The following IPO11 variants were observed in gnomAD, a reference collection of about 807,000 sequenced individuals.
IPO11 encodes the protein importin 11, also known as importin-11.
In IPO11, 66 loss-of-function variants were observed where a neutral mutation model predicts 143.2. The ratio of observed to expected loss-of-function variants is 0.46; its 90% confidence interval spans 0.38 to 0.57. IPO11 has a LOEUF of 0.57. Among genes scored for constraint, IPO11 ranks in the 20% least tolerant of loss-of-function variants. The pLI, the probability that IPO11 is intolerant of heterozygous loss-of-function variation, is 0.00. For missense variants in IPO11, 1,026 were observed against 1,141.0 expected (o/e 0.90, Z 1.45); for synonymous variants, 385 against 377.8 (o/e 1.02, Z -0.22).
chr5:62,616,070 A>AGGGGGGGGGGGGG (rs67923113), intron 29 of IPO11, among the ~76,000 whole-genome samples: 3 of 106,348 alleles, frequency 2.8e-5, no homozygotes, highest in Non-Finnish European at 5.6e-5. Flanking sequence ...TGGGGGAGGA[A>AGGGGGGGGGGGGG]GGGGGGTGGC....
chr5:62,625,604 C>T (rs987959894), intron 29 of IPO11, among the ~76,000 whole-genome samples: 1 of 152,112 alleles, frequency 6.6e-6, no homozygotes, highest in African/African-American at 2.4e-5. Flanking sequence ...TTCTTAGAAG[C>T]CAAGAGCATA....
chr5:62,551,839 T>C (rs536572335), intron 26 of IPO11, among the ~76,000 whole-genome samples: 17 of 152,216 alleles, frequency 1.1e-4, no homozygotes, highest in African/African-American at 4.1e-4. Context: ...TTTAAGACTA[T>C]ATATGGCCAG....
intron 28 of IPO11, among the ~76,000 whole-genome samples, chr5:62,598,670 G>A (rs866797805): frequency 2.7e-5 from 4 of 149,272 alleles, no homozygotes; most frequent in South Asian, 2.1e-4. Context: ...TCAGCCTCCC[G>A]AGTAGCTGGG....
intron 8 of IPO11, 137 bp from the exon 9 acceptor site, chr5:62,476,546 G>T: frequency 1.1e-6 from 1 of 887,568 alleles, no homozygotes; most frequent in Non-Finnish European, 1.6e-6. Context: ...GTAAATCTTG[G>T]TATTGCTTTT....
chr5:62,543,935 C>T (rs181826334), intron 24 of IPO11, among the ~76,000 whole-genome samples: 177 of 152,208 alleles, frequency 1.2e-3, no homozygotes, highest in African/African-American at 4.0e-3. Flanking sequence ...GCCTTCATTT[C>T]GTTATGTACC....
chr5:62,580,308 T>C, intron 27 of IPO11: 2 of 1,538,928 alleles, frequency 1.3e-6, no homozygotes, highest in Non-Finnish European at 1.8e-6. Flanking sequence ...ATTTAGAGAA[T>C]TTAAATTCTG....
chr5:62,484,215 A>G, intron 11 of IPO11, 53 bp downstream of exon 11: 1 of 1,462,046 alleles, frequency 6.8e-7, no homozygotes, highest in Non-Finnish European at 9.2e-7. Flanking sequence ...TTCTATAAAT[A>G]TCTGTTTGAG....
At chr5:62,587,353 A>C (rs1744835009) in intron 27 of IPO11, among the ~76,000 whole-genome samples, 1 of 152,130 alleles carries the variant, frequency 6.6e-6, no homozygotes, top group African/African-American at 2.4e-5. Context: ...AGTATTTTTC[A>C]GGGGAGCTAG....
chr5:62,498,833 A>G (rs1741243761), intron 16 of IPO11, among the ~76,000 whole-genome samples: 1 of 152,206 alleles, frequency 6.6e-6, no homozygotes, highest in Admixed American at 6.5e-5. Flanking sequence ...TCAAACCACC[A>G]TACTCCAGCC....
At chr5:62,568,743 A>C (rs1041490244) in intron 27 of IPO11, among the ~76,000 whole-genome samples, 1 of 152,166 alleles carries the variant, frequency 6.6e-6, no homozygotes, top group Non-Finnish European at 1.5e-5. Context: ...TCACTGATGC[A>C]TTATTTAGTG....
intron 24 of IPO11, among the ~76,000 whole-genome samples, chr5:62,540,000 T>C (rs747153833): frequency 6.6e-6 from 1 of 152,220 alleles, no homozygotes. Flanking sequence ...TTATTGTCTT[T>C]ACAGATTTTT....
chr5:62,441,270 T>C (rs954707008), intron 2 of IPO11, among the ~76,000 whole-genome samples: 1 of 151,966 alleles, frequency 6.6e-6, no homozygotes, highest in African/African-American at 2.4e-5. Context: ...CGATCTCAGC[T>C]CACAACATCC....
chr5:62,614,243 C>T (rs941385271), intron 29 of IPO11, among the ~76,000 whole-genome samples: 1 of 152,216 alleles, frequency 6.6e-6, no homozygotes, highest in African/African-American at 2.4e-5. Context: ...AATTGTCTTA[C>T]TGAGCTGCAA....
At chr5:62,420,756 T>C (rs927670896) in intron 1 of IPO11, among the ~76,000 whole-genome samples, 1 of 152,078 alleles carries the variant, frequency 6.6e-6, no homozygotes, top group Non-Finnish European at 1.5e-5. Context: ...ACTTTTTGTT[T>C]TTTTAGTAGT....
At chr5:62,598,376 TTTGCTTGC>T (rs142923802) in intron 28 of IPO11, among the ~76,000 whole-genome samples, 469 of 16,300 alleles carry the variant, frequency 0.029, 62 homozygotes, top group Admixed American at 0.096. Flanking sequence ...CCATAAATTG[TTTGCTTGC>T]TTGCTTGCTT....
intron 1 of IPO11, among the ~76,000 whole-genome samples, chr5:62,429,103 G>A (rs1032206455): frequency 1.3e-5 from 2 of 152,184 alleles, no homozygotes; most frequent in Non-Finnish European, 2.9e-5. Context: ...TCACAGAGTT[G>A]TGCAACCATC....
intron 9 of IPO11, among the ~76,000 whole-genome samples, chr5:62,480,137 C>T (rs1194273776): frequency 4.6e-5 from 7 of 152,282 alleles, no homozygotes; most frequent in Admixed American, 4.6e-4. Context: ...GGAAGGGATC[C>T]AGTTTCAGCT....
At chr5:62,544,041 T>A (rs1182402933) in intron 24 of IPO11, among the ~76,000 whole-genome samples, 1 of 152,170 alleles carries the variant, frequency 6.6e-6, no homozygotes, top group East Asian at 1.9e-4. Context: ...TTGATTGCAC[T>A]GTGGTCTGAG....
chr5:62,536,589 G>A, intron 22 of IPO11, 113 bp from the exon 23 acceptor site: 1 of 1,218,886 alleles, frequency 8.2e-7, no homozygotes, highest in Non-Finnish European at 1.1e-6. Flanking sequence ...GTACTCGGAA[G>A]AGGTTTCTAG....
Sources: allele counts gnomAD v4.1 joint callset (sites outside exome capture counted in the v4.1 genomes callset), GRCh38; gene constraint gnomAD v4.1.1; transcripts MANE v1.5; gene names NCBI Gene and HGNC (gene_info 2026-07-23, HGNC 2026-07-21).